The following PLA2G4E variants were observed in gnomAD, a reference collection of about 807,000 sequenced individuals.
PLA2G4E encodes phospholipase A2 group IVE.
In PLA2G4E, 84 loss-of-function variants were observed where a neutral mutation model predicts 109.1. The ratio of observed to expected loss-of-function variants is 0.77; its 90% CI spans 0.65 to 0.92. The LOEUF (loss-of-function observed/expected upper bound fraction) is 0.92. PLA2G4E is among the 40% of genes least tolerant of loss of function. PLA2G4E has a pLI of 0.00. For missense variants in PLA2G4E, 1,057 were observed against 1,076.6 expected, an observed-to-expected ratio of 0.98 and a Z score of 0.25; for synonymous variants, 469 against 436.1, an observed-to-expected ratio of 1.08 and a Z score of -0.94.
intron 17 of PLA2G4E, among the ~76,000 whole-genome samples, chr15:41,986,302 GA>G (rs2068140903): frequency 6.6e-6 from 1 of 152,206 alleles, no homozygotes; most frequent in South Asian, 2.1e-4. Flanking sequence ...AGATGGTGAG[GA>G]TGAGGCTTAA....
At chr15:42,008,708 T>C (rs897607057) in intron 2 of PLA2G4E, among the ~76,000 whole-genome samples, 2 of 152,134 alleles carry the variant, frequency 1.3e-5, no homozygotes, top group Non-Finnish European at 2.9e-5. Flanking sequence ...CTAGTCTACC[T>C]GGGAGGAGGG....
intron 2 of PLA2G4E, chr15:42,010,188 A>G (rs759276566): frequency 1.9e-6 from 1 of 522,302 alleles, no homozygotes; most frequent in Non-Finnish European, 3.9e-6. Flanking sequence ...GTACGCTGGG[A>G]GCCTGCAGGC....
chr15:41,984,086 G>T, intron 19 of PLA2G4E, 112 bp from the exon 20 acceptor site: 3 of 964,114 alleles, frequency 3.1e-6, no homozygotes, highest in Non-Finnish European at 3.2e-6. Flanking sequence ...ACACACACCT[G>T]CATGAAAACC....
chr15:41,997,237 G>A (rs1415728905), exon 11 of PLA2G4E: 1 of 1,549,186 alleles, frequency 6.5e-7, no homozygotes, highest in Admixed American at 2.0e-5. Context: ...CTGAAGCCCA[G>A]CCGCACGTCC....
chr15:42,005,046 G>T lies in PLA2G4E; in HGVS notation c.526-68C>A, dbSNP rs1055701777. On this transcript the variant is annotated intron_variant, in intron 4 of 19. Coordinates refer to ENST00000399518, the Ensembl canonical transcript of PLA2G4E. Reference sequence around the variant, plus strand: ...ACATCTCTGCTGACCAGAACCCTTTGCCACCCTGGGAGCCGCTGTGGACCT... The same window carrying T: ...ACATCTCTGCTGACCAGAACCCTTTTCCACCCTGGGAGCCGCTGTGGACCT... The T allele has an allele frequency of 1.3e-5, 20 of 1,580,220 alleles. No homozygotes were observed. The African/African-American group carries it at 2.6e-4, about 20-fold the overall frequency.
intron 6 of PLA2G4E, among the ~76,000 whole-genome samples, chr15:42,001,896 T>C (rs1448573094): frequency 6.6e-6 from 1 of 152,164 alleles, no homozygotes; most frequent in Non-Finnish European, 1.5e-5. Flanking sequence ...TTTCACTATG[T>C]TGCCCAGACT....
intron 1 of PLA2G4E, among the ~76,000 whole-genome samples, chr15:42,030,339 A>G (rs1426673865): frequency 6.6e-6 from 1 of 152,196 alleles, no homozygotes; most frequent in Non-Finnish European, 1.5e-5. Flanking sequence ...ATCAGCCATC[A>G]TGGGGCTCCT....
chr15:42,029,202 T>TC (rs1234218361), intron 1 of PLA2G4E, among the ~76,000 whole-genome samples: 5 of 152,172 alleles, frequency 3.3e-5, no homozygotes, highest in African/African-American at 1.2e-4. Context: ...AGCGTGATTC[T>TC]CCCATGTTAG....
chr15:42,048,908 T>G (rs1040373778), intron 1 of PLA2G4E, among the ~76,000 whole-genome samples: 2 of 152,206 alleles, frequency 1.3e-5, no homozygotes, highest in Admixed American at 1.3e-4. Context: ...CCCAAAACCT[T>G]TCAGCTGCCA....
chr15:41,983,772 C>T (rs1355043882), exon 20 of PLA2G4E: 7 of 1,596,346 alleles, frequency 4.4e-6, no homozygotes, highest in Non-Finnish European at 6.0e-6. Context: ...GACACTGGCC[C>T]TTCAGGCGCT....
chr15:42,000,003 G>A lies in PLA2G4E; in HGVS notation c.853-3C>T, dbSNP rs913595118. On this transcript the variant is annotated splice_region_variant and splice_polypyrimidine_tract_variant and intron_variant, in intron 8 of 19. Transcript: ENST00000399518. ...TTCTTGCGAGAGCGGCAGCAAAGCT[G>A]GAGGGATGGGTGGGTTCTGTGAGAG... The A allele has an allele frequency of 1.2e-6, 2 of 1,604,896 alleles. No homozygotes were observed. The highest frequency in any genetic ancestry group is 1.7e-6 in the Non-Finnish European group (2 of 1,176,050).
chr15:42,034,734 T>A (rs2141072969), intron 1 of PLA2G4E, among the ~76,000 whole-genome samples: 1 of 152,244 alleles, frequency 6.6e-6, no homozygotes, highest in South Asian at 2.1e-4. Flanking sequence ...GCCATCTTTG[T>A]CACCATGTGG....
Position 41,988,169 on chromosome 15 carries a change from G to T in PLA2G4E, c.1724-13C>A. On this transcript the variant is annotated splice_polypyrimidine_tract_variant and intron_variant, in intron 15 of 19. Coordinates refer to ENST00000399518, the Ensembl canonical transcript of PLA2G4E. ...CTGCTCCACAGGCCTGGGAGCCAGG[G>T]CCAGCGTGAGCAGCTCCACCCTGCA... 1 of 1,563,616 alleles carries T rather than the reference G, an allele frequency of 6.4e-7. No homozygotes were observed. Among genetic ancestry groups the T allele is most frequent in the Non-Finnish European group, 8.7e-7 (1 of 1,148,962 alleles).
At chr15:42,011,992 T>C (rs1269053470) in intron 2 of PLA2G4E, among the ~76,000 whole-genome samples, 1 of 152,128 alleles carries the variant, frequency 6.6e-6, no homozygotes, top group Admixed American at 6.5e-5. Flanking sequence ...TGAGGAAAAG[T>C]CCCTGGCCCT....
chr15:42,030,588 A>G (rs190809608), intron 1 of PLA2G4E, among the ~76,000 whole-genome samples: 1 of 152,158 alleles, frequency 6.6e-6, no homozygotes, highest in Non-Finnish European at 1.5e-5. Context: ...TGTGAGAGGG[A>G]GATGGTGGGA....
At chr15:41,999,890 G>C (rs1473118787) in intron 9 of PLA2G4E, 27 bp downstream of exon 9, 7 of 1,583,922 alleles carry the variant, frequency 4.4e-6, no homozygotes, top group Non-Finnish European at 6.0e-6. Context: ...AGTAAGTCAG[G>C]GGCCCTTCCC....
intron 6 of PLA2G4E, among the ~76,000 whole-genome samples, chr15:42,001,983 A>G (rs1694825450): frequency 1.3e-5 from 2 of 152,188 alleles, no homozygotes; most frequent in Admixed American, 1.3e-4. Flanking sequence ...ATGAGCCACC[A>G]TGACTGGCTA....
At chr15:42,010,495 A>G (rs1595568157) in intron 2 of PLA2G4E, among the ~76,000 whole-genome samples, 1 of 152,282 alleles carries the variant, frequency 6.6e-6, no homozygotes, top group Non-Finnish European at 1.5e-5. Context: ...CCAGCAATGA[A>G]TGGTTAGGCA....
intron 6 of PLA2G4E, 127 bp downstream of exon 6, chr15:42,002,527 C>G: frequency 9.2e-7 from 1 of 1,091,546 alleles, no homozygotes; most frequent in Non-Finnish European, 1.4e-6. Flanking sequence ...TTTAGTCTAA[C>G]TCCTGCAGAG....
Sources: gnomAD v4.1 joint callset for allele counts (sites outside exome capture counted in the v4.1 genomes callset) on GRCh38, gnomAD v4.1.1 for gene constraint, MANE v1.5 for transcripts, NCBI Gene and HGNC (gene_info 2026-07-23, HGNC 2026-07-21) for gene names.